Variants in PAQR3 observed in about 807,000 individuals in gnomAD.
PAQR3 encodes Raf kinase trapping to Golgi.
PAQR3 carries 39 observed loss-of-function variants against 41.7 expected under a neutral mutation model. That is an observed-to-expected ratio of 0.93 (90% confidence interval 0.72 to 1.22). The LOEUF (loss-of-function observed/expected upper bound fraction) is 1.22. Among genes scored for constraint, PAQR3 ranks in the 50% most tolerant of loss-of-function variants. The pLI, the probability that PAQR3 is intolerant of heterozygous loss-of-function variation, is 0.00. For missense variants in PAQR3, 366 were observed against 385.6 expected, an observed-to-expected ratio of 0.95 and a Z score of 0.42; for synonymous variants, 140 against 140.6, an observed-to-expected ratio of 1.00 and a Z score of 0.03.
downstream of PAQR3, among the ~76,000 whole-genome samples, chr4:78,909,647 T>G (rs1346430089): frequency 6.6e-6 from 1 of 152,212 alleles, no homozygotes; most frequent in Non-Finnish European, 1.5e-5. Flanking sequence ...TTTGCATGGC[T>G]GGGCTCCTTC....
chr4:78,908,914 C>T (rs984247130), downstream of PAQR3, among the ~76,000 whole-genome samples: 1 of 152,068 alleles, frequency 6.6e-6, no homozygotes, highest in Non-Finnish European at 1.5e-5. Context: ...GTGCTGCCAT[C>T]CACCAAGAGT....
At chr4:78,928,911 G>C (rs1244173434) in intron 3 of PAQR3, among the ~76,000 whole-genome samples, 3 of 152,246 alleles carry the variant, frequency 2.0e-5, no homozygotes, top group Admixed American at 2.0e-4. Flanking sequence ...GACAGTGACA[G>C]ATCATCAAGC....
At chr4:78,897,278 C>T (rs750946928) in intron 11 of PAQR3, among the ~76,000 whole-genome samples, 1 of 151,556 alleles carries the variant, frequency 6.6e-6, no homozygotes, top group Non-Finnish European at 1.5e-5. Context: ...TAAAAATGTT[C>T]AGTACAACAT....
chr4:78,905,979 A>C (rs1271203308), intron 11 of PAQR3: 1 of 152,094 alleles, frequency 6.6e-6, no homozygotes, highest in Non-Finnish European at 1.5e-5. Flanking sequence ...TCTATGGAAT[A>C]GGACTGAAAG....
Position 78,915,364 on chromosome 4 carries a change from G to A in PAQR3, c.*5175C>T, listed in dbSNP as rs1306315730. On this transcript the variant is annotated 3_prime_UTR_variant, in exon 6 of 6. Transcript: ENST00000512733. ...TTTATTTTAGGTTTTGGTACTTCAC[G>A]TAAGCACTGTTAGAAGGTACAAGTG... 1 of 151,946 alleles carries A rather than the reference G, an allele frequency of 6.6e-6. No homozygotes were observed. The highest frequency in any genetic ancestry group is 2.1e-4 in the South Asian group (1 of 4,818). The allele number at this position is 151,946 out of a possible 1,614,324, so 9.4% of individuals were successfully genotyped here. A position where few individuals can be genotyped will look rare whatever the true frequency, so the allele number is the denominator to read the frequency against.
In PAQR3 at chr4:78,911,929, T is replaced by C. The variant is rs1734645264; in HGVS notation, c.*8610A>G. The C allele has an allele frequency of 6.2e-7, 1 of 1,614,006 alleles. No homozygotes were observed. The highest frequency in any genetic ancestry group is 1.3e-5 in the African/African-American group (1 of 75,060). ...AATGGATGATTTTGGTGCCGTGCCC[T>C]TTACAGAACTTGTGGTGCAAAGCAT... On this transcript the variant is annotated 3_prime_UTR_variant, in exon 6 of 6. Transcript: ENST00000512733.
intron 12 of PAQR3, chr4:78,887,335 CA>C: frequency 7.6e-7 from 1 of 1,311,230 alleles, no homozygotes; most frequent in South Asian, 1.3e-5. Flanking sequence ...CACACAAGAA[CA>C]ACAGCAAAAT....
Position 78,922,256 on chromosome 4 carries a change from A to G in PAQR3, c.794-1575T>C, listed in dbSNP as rs910082994. The stretch of plus-strand genomic sequence containing the variant: ...GTTTACAACGCAGGTTTTCCCTTGT[A>G]TTTCCATTCTTATTTAAAGCTCAGT... On this transcript the variant is annotated intron_variant, in intron 5 of 5. Coordinates refer to ENST00000512733, the MANE Select transcript of PAQR3 (RefSeq NM_001040202.2). 5 of 1,233,866 alleles carry G rather than the reference A, an allele frequency of 4.1e-6. No homozygotes were observed. The African/African-American group carries it at 6.2e-5, about 15-fold the overall frequency. The allele number at this position is 1,233,866 out of a possible 1,614,324, so 76.4% of individuals were successfully genotyped here.
rs6851210 is a variant in PAQR3, at chr4:78,918,999, G to A, written c.*1540C>T. ...TCCATCATAACGATGGGTAAGACAC[G>A]GTATTCCTTTACTGAGCCTCCTGGG... On this transcript the variant is annotated 3_prime_UTR_variant, in exon 6 of 6. Transcript: ENST00000512733. 0.011 allele frequency: 10,496 copies of A among 984,766 alleles called. 808 individuals carry two copies. The African/African-American group carries it at 0.17, about 16-fold the overall frequency. The allele number at this position is 984,766 out of a possible 1,614,324, so 61.0% of individuals were successfully genotyped here.
At chr4:78,923,551 C>T (rs565742278) in intron 5 of PAQR3, 3 of 346,474 alleles carry the variant, frequency 8.7e-6, no homozygotes, top group Admixed American at 4.6e-5. Context: ...TGGTAGTTGA[C>T]GGTGTTCTAC....
At chr4:78,926,132 C>T (rs1270298661) in intron 4 of PAQR3, among the ~76,000 whole-genome samples, 1 of 152,162 alleles carries the variant, frequency 6.6e-6, no homozygotes, top group Non-Finnish European at 1.5e-5. Flanking sequence ...AACCTCCCTT[C>T]ACCCCCTAAA....
At chr4:78,893,706 G>A (rs902496728) in intron 11 of PAQR3, among the ~76,000 whole-genome samples, 1 of 152,160 alleles carries the variant, frequency 6.6e-6, no homozygotes. Flanking sequence ...GGGACTATAG[G>A]CATGCACTAC....
In PAQR3 at chr4:78,926,706, C is replaced by A. The variant is rs1736271163; in HGVS notation, c.517G>T (p.Val173Leu). 4 of 1,613,642 alleles carry A rather than the reference C, an allele frequency of 2.5e-6. No homozygotes were observed. The African/African-American group carries it at 4.0e-5, about 16-fold the overall frequency. Residue 173 changes from valine (V) to leucine (L), a missense_variant, in exon 4 of 6, where the codon GTG becomes TTG. Transcript: ENST00000512733. ...AFYCNNYWRQ[V>L]YLITVLAMIL... ...ATAGCAAGCACTGTGATCAAGTACA[C>A]CTGACGCCAGTACTAGAATGAAAGG...
At chr4:78,910,929 G>A (rs771449440), downstream of PAQR3, 9 of 1,613,786 alleles carry the variant, frequency 5.6e-6, no homozygotes, top group South Asian at 9.9e-5. Context: ...CTGAAGATGA[G>A]GAAGAAGAGG....
intron 11 of PAQR3, among the ~76,000 whole-genome samples, chr4:78,889,413 T>C (rs1733303283): frequency 6.6e-6 from 1 of 152,094 alleles, no homozygotes; most frequent in African/African-American, 2.4e-5. Flanking sequence ...TGTGCAATAT[T>C]AGCACTGTTA....
At chr4:78,900,897 A>G (rs1733965509) in intron 11 of PAQR3, among the ~76,000 whole-genome samples, 1 of 152,196 alleles carries the variant, frequency 6.6e-6, no homozygotes, top group South Asian at 2.1e-4. Context: ...AATTATCATG[A>G]ATTATATTTG....
At chr4:78,909,102 A>G (rs760341967), downstream of PAQR3, among the ~76,000 whole-genome samples, 19 of 123,226 alleles carry the variant, frequency 1.5e-4, no homozygotes, top group Middle Eastern at 0.012. Context: ...TCTTTGGCCC[A>G]GACTGGAGTG....
intron 2 of PAQR3, 77 bp from the exon 3 acceptor site, chr4:78,930,402 T>C (rs1736734566): frequency 7.0e-7 from 1 of 1,436,656 alleles, no homozygotes; most frequent in Non-Finnish European, 9.4e-7. Context: ...AGGGAAGTAG[T>C]TAAGAGGCTA....
At chr4:78,909,282 C>T (rs1448136851), downstream of PAQR3, among the ~76,000 whole-genome samples, 3 of 151,938 alleles carry the variant, frequency 2.0e-5, no homozygotes, top group East Asian at 3.9e-4. Flanking sequence ...GTGATCCACC[C>T]GCCTTGGCCT....
Sources: gnomAD v4.1 joint callset for allele counts (sites outside exome capture counted in the v4.1 genomes callset) on GRCh38, gnomAD v4.1.1 for gene constraint, MANE v1.5 for transcripts, NCBI Gene and HGNC (gene_info 2026-07-23, HGNC 2026-07-21) for gene names.